Variants in ZNF475 observed in about 807,000 individuals in gnomAD.
ZNF475 encodes zinc finger protein 475.
chr5:122,182,514 G>A, the ZNF475 span: 1 of 1,515,562 alleles, frequency 6.6e-7, no homozygotes, highest in Non-Finnish European at 8.8e-7. Context: ...TGATCTTGAT[G>A]CTTTAAATGA....
chr5:122,173,279 A>G, the ZNF475 span, among the ~76,000 whole-genome samples: 10 of 152,298 alleles, frequency 6.6e-5, no homozygotes, highest in Admixed American at 3.9e-4. Context: ...CAGAGAGGTC[A>G]TCTAGAGAAA....
At chr5:122,177,514 T>C in the ZNF475 span, among the ~76,000 whole-genome samples, 2 of 152,296 alleles carry the variant, frequency 1.3e-5, no homozygotes, top group East Asian at 1.9e-4. Flanking sequence ...ATAATTTATA[T>C]AGTACCAATA....
chr5:122,161,170 T>C, the ZNF475 span, among the ~76,000 whole-genome samples: 2 of 152,340 alleles, frequency 1.3e-5, no homozygotes, highest in East Asian at 3.9e-4. Context: ...CTTTCTAATA[T>C]TTACTTTATA....
the ZNF475 span, among the ~76,000 whole-genome samples, chr5:122,181,102 C>G: frequency 3.3e-5 from 5 of 152,120 alleles, no homozygotes; most frequent in Non-Finnish European, 7.4e-5. Context: ...CTGTTACTGC[C>G]TACAGATGGA....
chr5:122,178,729 C>G, the ZNF475 span, among the ~76,000 whole-genome samples: 1 of 152,096 alleles, frequency 6.6e-6, no homozygotes, highest in East Asian at 1.9e-4. Context: ...TGCAGAAGCT[C>G]TTTAGTTTAA....
the ZNF475 span, among the ~76,000 whole-genome samples, chr5:122,170,826 C>T: frequency 6.6e-6 from 1 of 152,140 alleles, no homozygotes; most frequent in African/African-American, 2.4e-5. Context: ...GCGGTCCTAG[C>T]CACCAGTCAT....
chr5:122,168,051 CT>C, the ZNF475 span, among the ~76,000 whole-genome samples: 1 of 151,980 alleles, frequency 6.6e-6, no homozygotes, highest in South Asian at 2.1e-4. Flanking sequence ...TTGTTTTGTT[CT>C]TTGTTTTTTT....
the ZNF475 span, chr5:122,162,266 CTT>C: frequency 1.3e-5 from 2 of 152,198 alleles, no homozygotes; most frequent in Non-Finnish European, 2.9e-5. Context: ...GTAACAGACT[CTT>C]TTATGGTTGG....
chr5:122,182,585 C>G, the ZNF475 span: 1 of 1,535,658 alleles, frequency 6.5e-7, no homozygotes, highest in South Asian at 1.2e-5. Flanking sequence ...GGCGTACCTT[C>G]CTGCCAGACA....
At chr5:122,167,387 G>C in the ZNF475 span, among the ~76,000 whole-genome samples, 1 of 152,016 alleles carries the variant, frequency 6.6e-6, no homozygotes, top group African/African-American at 2.4e-5. Context: ...ATTTTCTCTA[G>C]GTCTTTTTAT....
chr5:122,171,260 A>AT, the ZNF475 span, among the ~76,000 whole-genome samples: 5 of 152,084 alleles, frequency 3.3e-5, no homozygotes, highest in Non-Finnish European at 5.9e-5. Flanking sequence ...TCCAGAGCTG[A>AT]TTTTTTTATT....
the ZNF475 span, among the ~76,000 whole-genome samples, chr5:122,169,792 A>C: frequency 6.6e-6 from 1 of 152,282 alleles, no homozygotes; most frequent in East Asian, 1.9e-4. Flanking sequence ...TATCCTTTTG[A>C]CCACCACTTT....
chr5:122,175,609 A>G, the ZNF475 span, among the ~76,000 whole-genome samples: 1 of 152,126 alleles, frequency 6.6e-6, no homozygotes, highest in South Asian at 2.1e-4. Context: ...TCTGAAGATC[A>G]CTTTATCTCA....
the ZNF475 span, among the ~76,000 whole-genome samples, chr5:122,168,871 CA>C: frequency 3.4e-5 from 5 of 148,480 alleles, no homozygotes; most frequent in Admixed American, 3.4e-4. Flanking sequence ...TTGACTGATG[CA>C]GCTCTCTTAT....
At chr5:122,182,196 G>C in the ZNF475 span, among the ~76,000 whole-genome samples, 8 of 152,284 alleles carry the variant, frequency 5.3e-5, no homozygotes, top group East Asian at 1.5e-3. Flanking sequence ...ATCATACCAT[G>C]TAAAACAATG....
At chr5:122,179,504 A>G in the ZNF475 span, 3 of 916,022 alleles carry the variant, frequency 3.3e-6, no homozygotes, top group Non-Finnish European at 4.8e-6. Flanking sequence ...CTTTGTAGCA[A>G]TTGTGAATGG....
At chr5:122,180,379 C>T in the ZNF475 span, among the ~76,000 whole-genome samples, 1 of 152,222 alleles carries the variant, frequency 6.6e-6, no homozygotes, top group Non-Finnish European at 1.5e-5. Context: ...AACTAGAAAT[C>T]TAGACATCTA....
chr5:122,174,776 A>C, the ZNF475 span, among the ~76,000 whole-genome samples: 1 of 152,200 alleles, frequency 6.6e-6, no homozygotes, highest in Non-Finnish European at 1.5e-5. Flanking sequence ...GATTTGGCTC[A>C]TACTTTCCAT....
chr5:122,173,929 G>A, the ZNF475 span, among the ~76,000 whole-genome samples: 1 of 152,214 alleles, frequency 6.6e-6, no homozygotes, highest in Non-Finnish European at 1.5e-5. Context: ...AGGGAAAACT[G>A]TTGATCTAAT....
Sources: allele counts gnomAD v4.1 joint callset (sites outside exome capture counted in the v4.1 genomes callset), GRCh38; gene constraint gnomAD v4.1.1; transcripts MANE v1.5; gene names NCBI Gene and HGNC (gene_info 2026-07-23, HGNC 2026-07-21).